The following FGGY variants were observed in gnomAD, a reference collection of about 807,000 sequenced individuals.
FGGY encodes FGGY carbohydrate kinase domain containing.
FGGY carries 72 observed loss-of-function variants against 71.3 expected under a neutral mutation model. The observed-to-expected ratio is 1.01, with a 90% CI of 0.84 to 1.23. The LOEUF (loss-of-function observed/expected upper bound fraction) is 1.23, where lower values mean the gene tolerates loss of function less well. Ranked by LOEUF, FGGY falls within the 50% of genes most tolerant of loss-of-function variation. FGGY has a pLI of 0.00. For synonymous variants in FGGY, 251 were observed against 250.3 expected (o/e 1.00, Z -0.02); for missense variants, 668 against 682.3 (o/e 0.98, Z 0.23).
intron 9 of FGGY, among the ~76,000 whole-genome samples, chr1:59,619,280 A>T (rs1411820166): frequency 6.6e-6 from 1 of 152,130 alleles, no homozygotes; most frequent in Non-Finnish European, 1.5e-5. Flanking sequence ...CCTGCACTCC[A>T]CCAAGACTCC....
chr1:59,414,293 T>A (rs1272269443), intron 5 of FGGY, among the ~76,000 whole-genome samples: 1 of 152,220 alleles, frequency 6.6e-6, no homozygotes, highest in East Asian at 1.9e-4. Flanking sequence ...TATTCCATCT[T>A]TAAGTCCTCA....
intron 14 of FGGY, among the ~76,000 whole-genome samples, chr1:59,704,424 A>G (rs773779786): frequency 3.3e-5 from 5 of 152,158 alleles, no homozygotes; most frequent in Non-Finnish European, 7.3e-5. Flanking sequence ...TGATCCCAAA[A>G]GTAATCACTA....
intron 1 of FGGY, among the ~76,000 whole-genome samples, chr1:59,303,231 T>C (rs958132066): frequency 3.3e-5 from 5 of 152,216 alleles, no homozygotes; most frequent in African/African-American, 9.6e-5. Flanking sequence ...ATTTTTCTAA[T>C]AACTGAAAGT....
At chr1:59,659,846 G>A (rs1253692223) in intron 11 of FGGY, among the ~76,000 whole-genome samples, 2 of 152,168 alleles carry the variant, frequency 1.3e-5, no homozygotes, top group Non-Finnish European at 2.9e-5. Context: ...AGATCATCTT[G>A]TACTAGAATG....
intron 5 of FGGY, among the ~76,000 whole-genome samples, chr1:59,381,500 A>G (rs1463001285): frequency 6.6e-6 from 1 of 152,132 alleles, no homozygotes; most frequent in Admixed American, 6.6e-5. Context: ...TCCAAGGCCT[A>G]CACAGGGTCA....
chr1:59,648,677 A>C (rs1165516077), intron 11 of FGGY, among the ~76,000 whole-genome samples: 1 of 150,474 alleles, frequency 6.6e-6, no homozygotes, highest in African/African-American at 2.5e-5. Context: ...AGGTTGCGAA[A>C]ATTTTCACCC....
chr1:59,461,390 G>A (rs1230297940), intron 6 of FGGY, among the ~76,000 whole-genome samples: 5 of 152,126 alleles, frequency 3.3e-5, no homozygotes, highest in African/African-American at 2.4e-5. Flanking sequence ...AACAAGAAAC[G>A]AATGAAGCCT....
chr1:59,670,142 G>T (rs576697425), intron 13 of FGGY, among the ~76,000 whole-genome samples: 1 of 152,324 alleles, frequency 6.6e-6, no homozygotes, highest in Admixed American at 6.5e-5. Context: ...ATGGCAAAGT[G>T]CATCTGCCTT....
At chr1:59,387,842 CT>C (rs756908276) in intron 5 of FGGY, among the ~76,000 whole-genome samples, 8 of 152,090 alleles carry the variant, frequency 5.3e-5, no homozygotes, top group Admixed American at 6.5e-5. Flanking sequence ...CAACATTTTC[CT>C]TTATAACCAC....
intron 5 of FGGY, among the ~76,000 whole-genome samples, chr1:59,438,985 G>A (rs2069142450): frequency 3.3e-5 from 5 of 152,116 alleles, no homozygotes; most frequent in Admixed American, 3.3e-4. Flanking sequence ...ACTATCTCAT[G>A]AATTTTTTAT....
chr1:59,388,552 G>A (rs1257754576), intron 5 of FGGY, among the ~76,000 whole-genome samples: 1 of 152,106 alleles, frequency 6.6e-6, no homozygotes, highest in African/African-American at 2.4e-5. Context: ...ATACGTGCCT[G>A]CCTGTGGTGA....
At chr1:59,432,951 G>A (rs574749384) in intron 5 of FGGY, among the ~76,000 whole-genome samples, 64 of 152,304 alleles carry the variant, frequency 4.2e-4, no homozygotes, top group African/African-American at 1.5e-3. Context: ...TTTCAATCCA[G>A]TCACACTAAA....
At chr1:59,472,970 C>G (rs139152613) in intron 6 of FGGY, among the ~76,000 whole-genome samples, 2 of 152,116 alleles carry the variant, frequency 1.3e-5, no homozygotes, top group African/African-American at 4.8e-5. Context: ...GGATTGTAAA[C>G]GCACCAATCA....
chr1:59,698,889 A>G (rs2097686975), intron 14 of FGGY: 7 of 985,336 alleles, frequency 7.1e-6, no homozygotes, highest in Admixed American at 6.2e-5. Context: ...TACATGTCGT[A>G]TGTTTTATGT....
chr1:59,430,386 G>A (rs896868442), intron 5 of FGGY, among the ~76,000 whole-genome samples: 2 of 152,108 alleles, frequency 1.3e-5, no homozygotes, highest in African/African-American at 4.8e-5. Context: ...TTCATTTCAT[G>A]TCTTTTTTGG....
intron 4 of FGGY, among the ~76,000 whole-genome samples, chr1:59,347,089 T>A (rs937137965): frequency 1.5e-5 from 1 of 67,240 alleles, no homozygotes; most frequent in Non-Finnish European, 2.6e-5. Context: ...TTCCTCTTTT[T>A]TTTTCGGTTA....
rs2093116555 is a variant in FGGY at position 59,473,754 on chromosome 1, T to C, written c.670+16678T>C. On this transcript the variant is annotated intron_variant, in intron 6 of 15. Transcript: ENST00000303721. ...ACATGGCAGGAGTCACTCTATTCCT[T>C]TCAAGAGATGGTTCTAATTACTACT... is the stretch of plus-strand genomic sequence containing the variant. Among the ~76,000 whole-genome samples the C allele has an allele frequency of 2.6e-5, 4 of 152,306 alleles. No homozygotes were observed. In the South Asian group the frequency reaches 8.3e-4, roughly 32 times the overall value.
intron 6 of FGGY, among the ~76,000 whole-genome samples, chr1:59,477,675 A>T (rs1358624769): frequency 6.6e-6 from 1 of 152,158 alleles, no homozygotes; most frequent in African/African-American, 2.4e-5. Flanking sequence ...ACAATCTATT[A>T]TGAGGGGGGA....
chr1:59,414,513 GA>G (rs2064066121), intron 5 of FGGY, among the ~76,000 whole-genome samples: 1 of 152,198 alleles, frequency 6.6e-6, no homozygotes, highest in African/African-American at 2.4e-5. Flanking sequence ...AGTTCATCCA[GA>G]ACCCTCTGGG....
Sources: gnomAD v4.1 joint callset for allele counts (sites outside exome capture counted in the v4.1 genomes callset) on GRCh38, gnomAD v4.1.1 for gene constraint, MANE v1.5 for transcripts, NCBI Gene and HGNC (gene_info 2026-07-23, HGNC 2026-07-21) for gene names.